Variants in GTF2IRD1 observed in about 807,000 individuals in gnomAD.
The protein encoded by GTF2IRD1 is GTF2I repeat domain containing 1, also known as general transcription factor II-I repeat domain-containing protein 1.
A neutral mutation model predicts 113.2 loss-of-function variants in GTF2IRD1; 26 were observed. The ratio of observed to expected loss-of-function variants is 0.23; its 90% CI spans 0.17 to 0.32. The LOEUF (loss-of-function observed/expected upper bound fraction) is 0.32, where lower values mean the gene tolerates loss of function less well. Among genes scored for constraint, GTF2IRD1 ranks in the 10% least tolerant of loss-of-function variants. The pLI is 1.00. For synonymous variants in GTF2IRD1, 484 were observed against 529.1 expected (o/e 0.91, Z 1.17); for missense variants, 864 against 1,280.8 (o/e 0.67, Z 4.97).
At chr7:74,576,675 C>T (rs1324311398) in intron 22 of GTF2IRD1, among the ~76,000 whole-genome samples, 2 of 107,622 alleles carry the variant, frequency 1.9e-5, no homozygotes, top group African/African-American at 3.6e-5. Context: ...GGCTGGAGTG[C>T]AGTGGCGCGA....
chr7:74,496,847 C>T (rs1554338227), intron 1 of GTF2IRD1, among the ~76,000 whole-genome samples: 1 of 152,046 alleles, frequency 6.6e-6, no homozygotes, highest in Non-Finnish European at 1.5e-5. Context: ...TTCCTCTCTT[C>T]CCCCCTCCCC....
intron 25 of GTF2IRD1, among the ~76,000 whole-genome samples, chr7:74,597,778 A>G (rs1429096118): frequency 2.6e-5 from 4 of 152,348 alleles, no homozygotes; most frequent in African/African-American, 9.6e-5. Context: ...CCACATAGTG[A>G]GTCAGATGCT....
chr7:74,594,907 G>A lies in GTF2IRD1; in HGVS notation c.2592-107G>A, dbSNP rs587674137. ...GTGGAGGCTGCAGTGAGCTGAAATT[G>A]CGCCACTGCACTTCAGCCTGGGCAA... On this transcript the variant is annotated intron_variant, in intron 24 of 26. Coordinates refer to ENST00000424337, the MANE Select transcript of GTF2IRD1 (RefSeq NM_005685.4). 415 of 647,984 alleles carry A rather than the reference G, an allele frequency of 6.4e-4. 1 individual carries two copies. The African/African-American group carries it at 6.5e-3, about 10-fold the overall frequency. 40.1% of individuals were successfully genotyped at this position (647,984 alleles called of 1,614,324 possible). A position where few individuals can be genotyped will look rare whatever the true frequency, so the allele number is the denominator to read the frequency against.
At chr7:74,482,642 A>C (rs1032129810) in intron 1 of GTF2IRD1, among the ~76,000 whole-genome samples, 1 of 152,130 alleles carries the variant, frequency 6.6e-6, no homozygotes, top group Non-Finnish European at 1.5e-5. Context: ...AACAGCATTG[A>C]CAAGCCCCTC....
chr7:74,593,660 G>A (rs772559653), intron 24 of GTF2IRD1, among the ~76,000 whole-genome samples: 52 of 150,992 alleles, frequency 3.4e-4, no homozygotes, highest in Non-Finnish European at 6.8e-4. Context: ...ATGAACCTGG[G>A]AGGCGGAGCT....
intron 1 of GTF2IRD1, among the ~76,000 whole-genome samples, chr7:74,497,308 C>T (rs888158874): frequency 2.6e-5 from 4 of 152,112 alleles, no homozygotes; most frequent in African/African-American, 9.7e-5. Flanking sequence ...AGAGCGGAAA[C>T]GTGGAGTGCA....
intron 1 of GTF2IRD1, among the ~76,000 whole-genome samples, chr7:74,503,318 T>C (rs1387933917): frequency 6.6e-6 from 1 of 152,032 alleles, no homozygotes; most frequent in East Asian, 1.9e-4. Context: ...CGGAGCAAAA[T>C]CGGGAGCTGG....
At chr7:74,568,375 G>A (rs1407109567) in intron 22 of GTF2IRD1, among the ~76,000 whole-genome samples, 2 of 150,666 alleles carry the variant, frequency 1.3e-5, no homozygotes, top group Non-Finnish European at 3.0e-5. Context: ...AGGGCCGGGC[G>A]TGGTGGCTCA....
chr7:74,587,606 T>A (rs1801791086), intron 22 of GTF2IRD1, among the ~76,000 whole-genome samples: 1 of 152,096 alleles, frequency 6.6e-6, no homozygotes, highest in South Asian at 2.1e-4. Context: ...CCAGCCCATG[T>A]GACCCCACGC....
chr7:74,462,396 A>G (rs868967596), intron 1 of GTF2IRD1, among the ~76,000 whole-genome samples: 2 of 152,186 alleles, frequency 1.3e-5, no homozygotes, highest in Non-Finnish European at 2.9e-5. Flanking sequence ...TCTTCTGTAT[A>G]TGGTTTTCCA....
chr7:74,561,185 T>C (rs1226522428), intron 22 of GTF2IRD1, among the ~76,000 whole-genome samples: 1 of 151,184 alleles, frequency 6.6e-6, no homozygotes, highest in South Asian at 2.1e-4. Flanking sequence ...CCCATGTCTA[T>C]TTAAAATCCC....
intron 22 of GTF2IRD1, among the ~76,000 whole-genome samples, chr7:74,579,584 C>T (rs1325656504): frequency 6.7e-6 from 1 of 149,804 alleles, no homozygotes; most frequent in East Asian, 2.0e-4. Flanking sequence ...CGCCACCGCA[C>T]TCCACCCTGA....
intron 1 of GTF2IRD1, among the ~76,000 whole-genome samples, chr7:74,460,697 C>T (rs927590958): frequency 7.9e-5 from 12 of 151,894 alleles, no homozygotes; most frequent in South Asian, 2.1e-4. Flanking sequence ...CAATGTGGTC[C>T]GTATATTTAG....
At chr7:74,490,371 G>A (rs891515724) in intron 1 of GTF2IRD1, among the ~76,000 whole-genome samples, 5 of 152,062 alleles carry the variant, frequency 3.3e-5, no homozygotes, top group Non-Finnish European at 7.4e-5. Context: ...GAGCAGATAC[G>A]AATGGAAGGC....
At chr7:74,594,066 G>A (rs1802249768) in intron 24 of GTF2IRD1, among the ~76,000 whole-genome samples, 2 of 151,572 alleles carry the variant, frequency 1.3e-5, no homozygotes, top group African/African-American at 4.9e-5. Context: ...GGGCATGGTG[G>A]TACACGCCTG....
At chr7:74,515,281 T>G in intron 3 of GTF2IRD1, 160 bp from the exon 4 acceptor site, 1 of 1,456,874 alleles carries the variant, frequency 6.9e-7, no homozygotes, top group East Asian at 2.5e-5. Flanking sequence ...GTGGTTGGAA[T>G]AGGGCTTGCT....
chr7:74,510,269 C>T (rs1450465092), intron 2 of GTF2IRD1, among the ~76,000 whole-genome samples: 5 of 149,834 alleles, frequency 3.3e-5, no homozygotes, highest in African/African-American at 7.4e-5. Flanking sequence ...CAGTGATGGG[C>T]GATGCCATGG....
At chr7:74,556,216 C>T (rs1365727138) in intron 19 of GTF2IRD1, among the ~76,000 whole-genome samples, 5 of 151,410 alleles carry the variant, frequency 3.3e-5, no homozygotes, top group Non-Finnish European at 7.4e-5. Flanking sequence ...CATGCCACTG[C>T]ACTCCAGCCT....
chr7:74,574,691 G>A (rs1469664597), intron 22 of GTF2IRD1, among the ~76,000 whole-genome samples: 2 of 151,100 alleles, frequency 1.3e-5, no homozygotes, highest in South Asian at 4.2e-4. Context: ...GAACTCCTGG[G>A]CTCAAGTAAT....
Sources: gnomAD v4.1 joint callset for allele counts (sites outside exome capture counted in the v4.1 genomes callset) on GRCh38, gnomAD v4.1.1 for gene constraint, MANE v1.5 for transcripts, NCBI Gene and HGNC (gene_info 2026-07-23, HGNC 2026-07-21) for gene names.